The following TMLHE variants were observed in gnomAD, a reference collection of about 807,000 sequenced individuals.
The protein encoded by TMLHE is trimethyllysine hydroxylase, epsilon.
TMLHE carries 18 observed loss-of-function variants against 25.7 expected under a neutral mutation model. That is an observed-to-expected ratio of 0.70 (90% confidence interval 0.48 to 1.04). The LOEUF (loss-of-function observed/expected upper bound fraction) is 1.04, where lower values mean the gene tolerates loss of function less well. Ranked by LOEUF, TMLHE falls within the 50% of genes least tolerant of loss-of-function variation. The probability of loss-of-function intolerance (pLI) is 0.00; values close to 1 mark genes in which losing one functional copy is unlikely to be tolerated. For missense variants in TMLHE, 236 were observed against 259.0 expected (o/e 0.91, Z 0.61); for synonymous variants, 105 against 97.0 (o/e 1.08, Z -0.49).
At position 155,559,552 on chromosome X, in the gene TMLHE, A is replaced by T. The variant is rs782726836; in HGVS notation, c.-1-14275T>A. 6.3e-5 allele frequency among the ~76,000 whole-genome samples: 7 copies of T among 111,997 alleles called. No individual in the cohort carries two copies. The South Asian group carries it at 1.5e-3, about 24-fold the overall frequency. On this transcript the variant is annotated intron_variant, in intron 1 of 7. Transcript: ENST00000334398. ...GTAAATTAAGGTCCAAAAAGTATCAATCATAATAACAGAAACTTTTGGAGA... is the reference window on the plus strand; with the variant it reads ...GTAAATTAAGGTCCAAAAAGTATCATTCATAATAACAGAAACTTTTGGAGA...
At chrX:155,585,362 A>G (rs927490783) in intron 1 of TMLHE, among the ~76,000 whole-genome samples, 2 of 110,273 alleles carry the variant, frequency 1.8e-5, no homozygotes, top group Non-Finnish European at 3.8e-5. Flanking sequence ...AGACAAGGTC[A>G]TTACATAATG....
At chrX:155,524,704 CCTT>C in intron 2 of TMLHE, 72 bp from the exon 3 acceptor site, 1 of 1,018,022 alleles carries the variant, frequency 9.8e-7, no homozygotes, top group Non-Finnish European at 1.3e-6. Context: ...CAGAAAACTT[CCTT>C]CTAAAAGTCT....
At chrX:155,515,236 T>C (rs2067144213) in intron 3 of TMLHE, among the ~76,000 whole-genome samples, 1 of 110,736 alleles carries the variant, frequency 9.0e-6, no homozygotes, top group African/African-American at 3.3e-5. Flanking sequence ...TTTATATATA[T>C]AAAATTTGGG....
At position 155,524,593 on chromosome X, in the gene TMLHE, A is replaced by G; in HGVS notation, c.221T>C (p.Val74Ala). 8.3e-7 allele frequency: 1 copy of G among 1,203,295 alleles called. No homozygotes were observed. ...YANTVMRFDY[V>A]WLRDHCRSAS... The stretch of plus-strand genomic sequence containing the variant: ...TGAGCGGCAGTGGTCTCGAAGCCAG[A>G]CGTAATCAAAGCGCATCACGGTATT... The change falls in exon 3 of 8, where the codon GTC becomes GCC. Residue 74 changes from valine (V) to alanine (A), a missense_variant. Val to Ala is a moderately conservative substitution (Grantham distance 64). Coordinates refer to ENST00000334398, the MANE Select transcript of TMLHE (RefSeq NM_018196.4).
intron 2 of TMLHE, among the ~76,000 whole-genome samples, chrX:155,534,718 T>C (rs1224947435): frequency 8.9e-6 from 1 of 111,780 alleles, no homozygotes; most frequent in Non-Finnish European, 1.9e-5. Flanking sequence ...TTTTCATCTT[T>C]AGAGTGGATG....
intron 1 of TMLHE, among the ~76,000 whole-genome samples, chrX:155,547,259 C>T (rs1557338865): frequency 1.1e-5 from 1 of 90,659 alleles, no homozygotes; most frequent in African/African-American, 3.7e-5. Flanking sequence ...ATTCTCCTGC[C>T]TCAGCCTCCC....
At chrX:155,590,172 C>T (rs1457790700) in intron 1 of TMLHE, among the ~76,000 whole-genome samples, 8 of 112,047 alleles carry the variant, frequency 7.1e-5, no homozygotes, top group African/African-American at 1.3e-4. Flanking sequence ...ATGGTACATA[C>T]GTGTACATAC....
chrX:155,547,355 A>G lies in TMLHE; in HGVS notation c.-1-2078T>C, dbSNP rs922014935. Among the ~76,000 whole-genome samples the G allele has an allele frequency of 4.8e-4, 52 of 109,286 alleles. 2 individuals are homozygous for G. Among genetic ancestry groups the G allele is most frequent in the Non-Finnish European group, 8.6e-4 (45 of 52,366 alleles). 94.9% of individuals were successfully genotyped at this position (109,286 alleles called of 115,157 possible). On this transcript the variant is annotated intron_variant, in intron 1 of 7. Coordinates refer to ENST00000334398, the MANE Select transcript of TMLHE (RefSeq NM_018196.4). ...GAGACGGGGTTTCACCGTGTTAGCC[A>G]GGATGGTCTCGATCTCCTGACCTCG...
chrX:155,604,776 CACA>C (rs782163590), intron 1 of TMLHE, among the ~76,000 whole-genome samples: 10 of 111,986 alleles, frequency 8.9e-5, no homozygotes, highest in Non-Finnish European at 1.9e-4. Flanking sequence ...TCTACTGGAT[CACA>C]GCCCAAATTT....
chrX:155,577,985 G>A (rs1379901362), intron 1 of TMLHE, among the ~76,000 whole-genome samples: 1 of 111,868 alleles, frequency 8.9e-6, no homozygotes, highest in Non-Finnish European at 1.9e-5. Flanking sequence ...GACTACAGCT[G>A]CTACCATTGA....
intron 2 of TMLHE, among the ~76,000 whole-genome samples, chrX:155,535,723 CCTAA>C (rs2067275158): frequency 9.0e-6 from 1 of 111,693 alleles, no homozygotes; most frequent in African/African-American, 3.3e-5. Flanking sequence ...GCATTTGAAA[CCTAA>C]CTAACCCCTG....
At chrX:155,506,784 T>C (rs1251259671) in intron 6 of TMLHE, 114 bp downstream of exon 6, 22 of 614,386 alleles carry the variant, frequency 3.6e-5, no homozygotes, top group Non-Finnish European at 3.9e-5. Flanking sequence ...TAAAAAGCTA[T>C]AGAATAGCAA....
At chrX:155,575,541 A>G (rs1557343695) in intron 1 of TMLHE, among the ~76,000 whole-genome samples, 1 of 112,108 alleles carries the variant, frequency 8.9e-6, no homozygotes, top group African/African-American at 3.2e-5. Context: ...AGAAATCTAC[A>G]TACTGAAAAA....
intron 1 of TMLHE, among the ~76,000 whole-genome samples, chrX:155,574,802 G>C (rs1262422224): frequency 8.9e-6 from 1 of 111,799 alleles, no homozygotes; most frequent in African/African-American, 3.3e-5. Flanking sequence ...GAATTGAAGG[G>C]TATAATAACT....
rs60336555 is a variant in TMLHE at position 155,515,574 on chromosome X, G to C, written c.359-1309C>G. 2.4e-3 allele frequency among the ~76,000 whole-genome samples: 263 copies of C among 111,422 alleles called. 6 individuals carry two copies. In the East Asian group the frequency reaches 0.068, roughly 29 times the overall value. ...ACATAATCAAATTACTTTTTAGAAA[G>C]TCTACTTATCTTCATTCCCTCCAAC... On this transcript the variant is annotated intron_variant, in intron 3 of 7. Transcript: ENST00000334398.
At chrX:155,547,020 C>G (rs1445878720) in intron 1 of TMLHE, among the ~76,000 whole-genome samples, 3 of 111,687 alleles carry the variant, frequency 2.7e-5, no homozygotes. Flanking sequence ...AAATTTCCAA[C>G]TCCTAGTCAA....
chrX:155,597,308 A>G (rs1389110434), intron 1 of TMLHE, among the ~76,000 whole-genome samples: 1 of 110,838 alleles, frequency 9.0e-6, no homozygotes, highest in African/African-American at 3.3e-5. Flanking sequence ...ACCATCTCAC[A>G]CTAGTTAGAA....
rs954479131 is a variant in TMLHE at position 155,595,037 on chromosome X, T to C, written c.-2+17755A>G. Among the ~76,000 whole-genome samples, 5 of 111,942 alleles carry C rather than the reference T, an allele frequency of 4.5e-5. 1 individual carries two copies. Among genetic ancestry groups the C allele is most frequent in the African/African-American group, 1.6e-4 (5 of 30,847 alleles). ...ATGTCACGAATGCATAAAATATATTTAGATGCTAGTCCATTTTATCATTTA... is the reference window on the plus strand; with the variant it reads ...ATGTCACGAATGCATAAAATATATTCAGATGCTAGTCCATTTTATCATTTA... On this transcript the variant is annotated intron_variant, in intron 1 of 7. Coordinates refer to ENST00000334398, the MANE Select transcript of TMLHE (RefSeq NM_018196.4).
At chrX:155,576,315 T>C (rs1174498315) in intron 1 of TMLHE, among the ~76,000 whole-genome samples, 1 of 110,880 alleles carries the variant, frequency 9.0e-6, no homozygotes, top group Non-Finnish European at 1.9e-5. Context: ...AGGTAAAAAA[T>C]ATCTACAATG....
Sources: gnomAD v4.1 joint callset for allele counts (sites outside exome capture counted in the v4.1 genomes callset) on GRCh38, gnomAD v4.1.1 for gene constraint, MANE v1.5 for transcripts, NCBI Gene and HGNC (gene_info 2026-07-23, HGNC 2026-07-21) for gene names.